Variants in FAM156A observed in about 807,000 individuals in gnomAD.
FAM156A encodes the protein family with sequence similarity 156 member A, also known as protein FAM156A/FAM156B.
At chrX:52,977,556 A>AC (rs1929578409) in intron 1 of FAM156A, among the ~76,000 whole-genome samples, 1 of 110,429 alleles carries the variant, frequency 9.1e-6, no homozygotes, top group African/African-American at 3.3e-5. Flanking sequence ...CCCACCTCAG[A>AC]CCCCTGAGTA....
chrX:52,981,867 T>C (rs1235342157), intron 1 of FAM156A, among the ~76,000 whole-genome samples: 4 of 110,188 alleles, frequency 3.6e-5, no homozygotes, highest in African/African-American at 9.9e-5. Flanking sequence ...TCATGAACCA[T>C]TTGAAAACCA....
At chrX:52,974,273 C>T (rs1385772582) in intron 1 of FAM156A, among the ~76,000 whole-genome samples, 1 of 112,400 alleles carries the variant, frequency 8.9e-6, no homozygotes. Context: ...AAGAGTCTCA[C>T]AGTGTACATG....
intron 1 of FAM156A, among the ~76,000 whole-genome samples, chrX:52,988,338 G>C (rs1930457726): frequency 9.0e-6 from 1 of 111,265 alleles, no homozygotes; most frequent in Non-Finnish European, 1.9e-5. Context: ...ACTACAGGCT[G>C]TATTATTCCA....
chrX:52,992,305 C>T (rs1278944772), intron 1 of FAM156A, among the ~76,000 whole-genome samples: 1 of 111,804 alleles, frequency 8.9e-6, no homozygotes, highest in Non-Finnish European at 1.9e-5. Context: ...CATCTGAGGA[C>T]AAAATGGGCA....
chrX:52,990,905 G>T (rs1194172157), intron 1 of FAM156A, among the ~76,000 whole-genome samples: 5 of 111,475 alleles, frequency 4.5e-5, no homozygotes, highest in African/African-American at 1.3e-4. Context: ...GACCAGGAAG[G>T]CCTCGGCAAA....
At chrX:52,993,032 A>G (rs1447362092) in intron 1 of FAM156A, among the ~76,000 whole-genome samples, 1 of 111,230 alleles carries the variant, frequency 9.0e-6, no homozygotes, top group African/African-American at 3.3e-5. Context: ...GGCTCAGGGC[A>G]CTTCTCTGAG....
intron 1 of FAM156A, among the ~76,000 whole-genome samples, chrX:52,988,077 C>T (rs1930425236): frequency 9.1e-6 from 1 of 110,151 alleles, no homozygotes; most frequent in Admixed American, 9.7e-5. Context: ...CCCGTCTCTA[C>T]TAAAAATACA....
chrX:52,975,311 C>T (rs1556791893), intron 1 of FAM156A, among the ~76,000 whole-genome samples: 1 of 111,942 alleles, frequency 8.9e-6, no homozygotes, highest in Non-Finnish European at 1.9e-5. Context: ...GCGGGCAGTG[C>T]CCCCTTGTCA....
intron 1 of FAM156A, among the ~76,000 whole-genome samples, chrX:52,986,761 G>A (rs1199005756): frequency 1.8e-5 from 2 of 111,258 alleles, no homozygotes; most frequent in Non-Finnish European, 3.8e-5. Flanking sequence ...ACTTAATAAA[G>A]ACTAACTGCT....
chrX:52,984,407 T>C lies in FAM156A; in HGVS notation c.-434+10899A>G, dbSNP rs148627449. Among the ~76,000 whole-genome samples, 704 of 112,359 alleles carry C rather than the reference T, an allele frequency of 6.3e-3. 2 individuals carry two copies. The highest frequency in any genetic ancestry group is 0.021 in the African/African-American group (664 of 30,930). On this transcript the variant is annotated intron_variant, in intron 1 of 4. Transcript: ENST00000610625. The stretch of plus-strand genomic sequence containing the variant: ...CACCTATGCAGCATAAACTATATTT[T>C]GTACAAACAGTTTAGGCAGAGTAAG...
chrX:52,973,547 G>T (rs1226616779), intron 1 of FAM156A, among the ~76,000 whole-genome samples: 2 of 111,401 alleles, frequency 1.8e-5, no homozygotes, highest in Non-Finnish European at 3.8e-5. Flanking sequence ...ACTGTCAACA[G>T]ATTTGTCCTA....
At chrX:52,986,220 T>C (rs1556794414) in intron 1 of FAM156A, among the ~76,000 whole-genome samples, 1 of 105,536 alleles carries the variant, frequency 9.5e-6, no homozygotes, top group South Asian at 4.0e-4. Context: ...ACTTAAAGTA[T>C]AATAATAATA....
chrX:52,978,361 A>G (rs1404226524), intron 1 of FAM156A, among the ~76,000 whole-genome samples: 1 of 112,028 alleles, frequency 8.9e-6, no homozygotes, highest in African/African-American at 3.2e-5. Flanking sequence ...TTGGAAACTG[A>G]CCATATGCCA....
intron 1 of FAM156A, among the ~76,000 whole-genome samples, chrX:52,977,087 TAC>T (rs1256059149): frequency 1.4e-3 from 127 of 93,946 alleles, no homozygotes; most frequent in African/African-American, 3.7e-3. Context: ...TACATATATA[TAC>T]ACACACACAC....
At chrX:52,987,765 GA>G in intron 1 of FAM156A, among the ~76,000 whole-genome samples, 1 of 111,649 alleles carries the variant, frequency 9.0e-6, no homozygotes. Flanking sequence ...TATCCTAGAA[GA>G]AGGAAAATTT....
rs188418825 is a variant in FAM156A at position 52,980,145 on chromosome X, G to A, written c.-434+15161C>T. On this transcript the variant is annotated intron_variant, in intron 1 of 4. Coordinates refer to the FAM156A transcript ENST00000610625. The stretch of plus-strand genomic sequence containing the variant: ...AACTGGGTGGCGGGGGCCGGGGCTT[G>A]TATGTTGCTTCACCTGGAAACTTAC... 3.0e-3 allele frequency among the ~76,000 whole-genome samples: 334 copies of A among 112,173 alleles called. 1 individual carries two copies. The highest frequency in any genetic ancestry group is 4.7e-3 in the Non-Finnish European group (249 of 53,253).
Position 52,977,085 on chromosome X carries a change from TATAC to T in FAM156A, c.-433-12854_-433-12851del, listed in dbSNP as rs1416225427. On this transcript the variant is annotated intron_variant, in intron 1 of 4. Transcript: ENST00000610625. ...ATATACATATACATATATACATATA[TATAC>T]ACACACACACACACACATATATATA... Among the ~76,000 whole-genome samples, 341 of 97,265 alleles carry T rather than the reference TATAC, an allele frequency of 3.5e-3. 1 individual carries two copies. Among genetic ancestry groups the T allele is most frequent in the African/African-American group, 0.012 (327 of 26,760 alleles). The allele number at this position is 97,265 out of a possible 115,157, so 84.5% of individuals were successfully genotyped here.
chrX:52,975,329 T>C (rs1929379316), intron 1 of FAM156A, among the ~76,000 whole-genome samples: 1 of 112,080 alleles, frequency 8.9e-6, no homozygotes, highest in African/African-American at 3.2e-5. Flanking sequence ...TCACAGCTTT[T>C]GGCGAATCTT....
chrX:52,975,002 T>C (rs1429611264), intron 1 of FAM156A, among the ~76,000 whole-genome samples: 2 of 108,499 alleles, frequency 1.8e-5, no homozygotes, highest in African/African-American at 6.7e-5. Context: ...CAAGCCCTGG[T>C]CGATTTCTCT....
Sources: allele counts gnomAD v4.1 joint callset (sites outside exome capture counted in the v4.1 genomes callset), GRCh38; gene constraint gnomAD v4.1.1; transcripts MANE v1.5; gene names NCBI Gene and HGNC (gene_info 2026-07-23, HGNC 2026-07-21).